The following AGFG1 variants were observed in gnomAD, a reference collection of about 807,000 sequenced individuals.
AGFG1 encodes ArfGAP with FG repeats 1.
In AGFG1, 10 loss-of-function variants were observed where a neutral mutation model predicts 60.6. That is an observed-to-expected ratio of 0.16 (90% CI 0.10 to 0.28). The LOEUF is 0.28. Among genes scored for constraint, AGFG1 ranks in the 10% least tolerant of loss-of-function variants. The pLI is 1.00. For missense variants in AGFG1, 537 were observed against 676.5 expected, an observed-to-expected ratio of 0.79 and a Z score of 2.29; for synonymous variants, 247 against 242.9, an observed-to-expected ratio of 1.02 and a Z score of -0.16.
intron 2 of AGFG1, among the ~76,000 whole-genome samples, chr2:227,513,031 C>CT (rs1691540730): frequency 6.6e-6 from 1 of 151,990 alleles, no homozygotes; most frequent in South Asian, 2.1e-4. Flanking sequence ...TCTTTTTATC[C>CT]TTTTTATGAA....
intron 5 of AGFG1, among the ~76,000 whole-genome samples, chr2:227,527,370 C>G (rs189027239): frequency 6.6e-6 from 1 of 152,192 alleles, no homozygotes; most frequent in African/African-American, 2.4e-5. Context: ...TACGTATACA[C>G]ATATACACTT....
At chr2:227,495,410 G>A (rs1183123048) in intron 2 of AGFG1, among the ~76,000 whole-genome samples, 1 of 151,972 alleles carries the variant, frequency 6.6e-6, no homozygotes, top group Non-Finnish European at 1.5e-5. Flanking sequence ...GCCAGGCGTG[G>A]TGGTACACAT....
intron 1 of AGFG1, among the ~76,000 whole-genome samples, chr2:227,487,288 A>C (rs1412367843): frequency 6.6e-6 from 1 of 152,134 alleles, no homozygotes; most frequent in African/African-American, 2.4e-5. Context: ...TTATTATAGA[A>C]AACTTGGAGA....
intron 2 of AGFG1, among the ~76,000 whole-genome samples, chr2:227,506,378 G>A (rs60793483): frequency 0.045 from 6,796 of 152,096 alleles, 229 homozygotes; most frequent in Middle Eastern, 0.11. Flanking sequence ...AAGTGGATAT[G>A]CAAGTTTTGT....
At chr2:227,548,086 A>G (rs955908055) in intron 10 of AGFG1, among the ~76,000 whole-genome samples, 1 of 152,222 alleles carries the variant, frequency 6.6e-6, no homozygotes, top group Non-Finnish European at 1.5e-5. Context: ...AACTCGTCAC[A>G]AAAGGCCACA....
chr2:227,524,245 G>A (rs907509304), intron 4 of AGFG1, among the ~76,000 whole-genome samples: 1 of 152,036 alleles, frequency 6.6e-6, no homozygotes, highest in African/African-American at 2.4e-5. Flanking sequence ...TGTAAAACAT[G>A]AATCTATGGT....
intron 6 of AGFG1, among the ~76,000 whole-genome samples, chr2:227,531,596 A>ATT (rs35965525): frequency 3.8e-5 from 5 of 130,582 alleles, no homozygotes; most frequent in Non-Finnish European, 3.2e-5. Flanking sequence ...TCCCAGCTAA[A>ATT]TTTTTTTTTT....
intron 1 of AGFG1, among the ~76,000 whole-genome samples, chr2:227,489,329 C>G (rs781335733): frequency 2.9e-5 from 4 of 139,514 alleles, no homozygotes; most frequent in Non-Finnish European, 6.0e-5. Flanking sequence ...CTCCTGGGGT[C>G]AAGCGATTCT....
In AGFG1 at chr2:227,554,779, T is replaced by C; in HGVS notation, c.*284T>C. 1 of 248,864 alleles carries C rather than the reference T, an allele frequency of 4.0e-6. No homozygotes were observed. The highest frequency in any genetic ancestry group is 7.7e-6 in the Non-Finnish European group (1 of 130,496). The allele number at this position is 248,864 out of a possible 1,614,324, so 15.4% of individuals were successfully genotyped here. On this transcript the variant is annotated 3_prime_UTR_variant, in exon 13 of 13. Transcript: ENST00000310078. ...CCACATTCATTATGCTGCAGTACTG[T>C]ACATATTTTTCTTAGAAATTAGCTA...
chr2:227,505,569 T>C (rs1401411980), intron 2 of AGFG1, among the ~76,000 whole-genome samples: 1 of 152,186 alleles, frequency 6.6e-6, no homozygotes, highest in Non-Finnish European at 1.5e-5. Context: ...CACTCTTCTG[T>C]TATCTCTAAG....
In AGFG1 at chr2:227,472,258, G is replaced by A. The variant is rs1690111584; in HGVS notation, c.-164G>A. 4.0e-6 allele frequency: 1 copy of A among 249,900 alleles called. No homozygotes were observed. The highest frequency in any genetic ancestry group is 6.3e-6 in the Non-Finnish European group (1 of 157,596). 15.5% of individuals were successfully genotyped at this position (249,900 alleles called of 1,614,324 possible). On this transcript the variant is annotated 5_prime_UTR_variant, in exon 1 of 13. Coordinates refer to ENST00000310078, the MANE Select transcript of AGFG1 (RefSeq NM_004504.5). ...CCGCGTACCACAGCGCCCGGGCCGCGTCGAGCCCAGTACAGCCAAGCCGCT... is the reference window on the plus strand; with the variant it reads ...CCGCGTACCACAGCGCCCGGGCCGCATCGAGCCCAGTACAGCCAAGCCGCT...
intron 2 of AGFG1, among the ~76,000 whole-genome samples, chr2:227,494,100 C>T (rs1342033727): frequency 2.6e-5 from 4 of 152,112 alleles, no homozygotes; most frequent in Non-Finnish European, 4.4e-5. Context: ...ATCTTAGAAC[C>T]AAAATAATGG....
chr2:227,525,432 A>T (rs1422587645), intron 5 of AGFG1, among the ~76,000 whole-genome samples: 1 of 152,202 alleles, frequency 6.6e-6, no homozygotes, highest in Admixed American at 6.5e-5. Context: ...TCAAATGTTC[A>T]TTATAGTTCA....
At chr2:227,520,115 C>G in intron 3 of AGFG1, 52 bp downstream of exon 3, 1 of 1,104,590 alleles carries the variant, frequency 9.1e-7, no homozygotes, top group Non-Finnish European at 1.3e-6. Flanking sequence ...CACATATTAA[C>G]TATGGGTAAG....
Position 227,552,007 on chromosome 2 carries a change from C to T in AGFG1, c.1427C>T (p.Thr476Ile). 6.2e-7 allele frequency: 1 copy of T among 1,614,204 alleles called. No homozygotes were observed. The highest frequency in any genetic ancestry group is 2.2e-5 in the East Asian group (1 of 44,884). The change falls in exon 11 of 13, where the codon ACT becomes ATT. Residue 476 changes from threonine (T) to isoleucine (I), a missense_variant. Physicochemically the swap from Thr to Ile is moderately conservative, Grantham distance 89. Around this residue, in one of 4 missense-constraint regions of AGFG1, gnomAD observed 287 missense variants for 343.6 expected, o/e 0.84. Transcript: ENST00000310078. ...ATGAGCATGCCCACAGGATTCGGCA[C>T]TCCTGCTCCCTACAGTCTTCCCACC... is the stretch of plus-strand genomic sequence containing the variant. ...ASMSMPTGFG[T>I]PAPYSLPTSF...
At chr2:227,540,240 A>G (rs1692448412) in intron 10 of AGFG1, among the ~76,000 whole-genome samples, 1 of 151,490 alleles carries the variant, frequency 6.6e-6, no homozygotes, top group Non-Finnish European at 1.5e-5. Context: ...CATGTGCATA[A>G]CATGCAGGTT....
rs1251585163 is a variant in AGFG1 at position 227,491,500 on chromosome 2, A to T, written c.168-47A>T. On this transcript the variant is annotated intron_variant, in intron 1 of 12. Transcript: ENST00000310078. The stretch of plus-strand genomic sequence containing the variant: ...TGAATTACTAGATGTGTCATTTTAA[A>T]AATGTGGTATGTACTAGTAAATTTT... 9 of 1,227,448 alleles carry T rather than the reference A, an allele frequency of 7.3e-6. No individual in the cohort carries two copies. In the African/African-American group the frequency reaches 1.3e-4, roughly 17 times the overall value. 76.0% of individuals were successfully genotyped at this position (1,227,448 alleles called of 1,614,324 possible).
chr2:227,500,135 T>C (rs892041969), intron 2 of AGFG1, among the ~76,000 whole-genome samples: 1 of 152,122 alleles, frequency 6.6e-6, no homozygotes, highest in Non-Finnish European at 1.5e-5. Flanking sequence ...TCCAGCCTCA[T>C]AGGTTTTTGA....
intron 2 of AGFG1, among the ~76,000 whole-genome samples, chr2:227,506,818 A>G (rs1317702220): frequency 6.6e-6 from 1 of 152,072 alleles, no homozygotes; most frequent in Non-Finnish European, 1.5e-5. Context: ...CCCTCCTGCT[A>G]ACCAAGTCAT....
Sources: allele counts gnomAD v4.1 joint callset (sites outside exome capture counted in the v4.1 genomes callset), GRCh38; gene constraint gnomAD v4.1.1; regional missense constraint gnomAD v4.1.1; transcripts MANE v1.5; gene names NCBI Gene and HGNC (gene_info 2026-07-23, HGNC 2026-07-21).